RPH3A: variants seen among roughly 807,000 people sequenced by gnomAD.
RPH3A encodes the protein rabphilin-3A.
Under a neutral mutation model 102.2 loss-of-function variants are expected in RPH3A, and 48 were observed. That is an observed-to-expected ratio of 0.47 (90% CI 0.37 to 0.60). RPH3A has a LOEUF of 0.60. Among genes scored for constraint, RPH3A ranks in the 20% least tolerant of loss-of-function variants. The probability of loss-of-function intolerance (pLI) is 0.00; values close to 1 mark genes in which losing one functional copy is unlikely to be tolerated. For synonymous variants in RPH3A, 310 were observed against 324.3 expected, an observed-to-expected ratio of 0.96 and a Z score of 0.47; for missense variants, 781 against 910.1, an observed-to-expected ratio of 0.86 and a Z score of 1.83.
intron 1 of RPH3A, among the ~76,000 whole-genome samples, chr12:112,616,399 G>T (rs1374356552): frequency 6.6e-6 from 1 of 152,036 alleles, no homozygotes; most frequent in Non-Finnish European, 1.5e-5. Flanking sequence ...CTCCTGCCTC[G>T]GCCTCCCAAA....
At chr12:112,696,075 G>C (rs1480691522) in intron 1 of RPH3A, among the ~76,000 whole-genome samples, 1 of 152,120 alleles carries the variant, frequency 6.6e-6, no homozygotes, top group East Asian at 1.9e-4. Context: ...TTATAAGCAA[G>C]AGCATACTAT....
intron 1 of RPH3A, among the ~76,000 whole-genome samples, chr12:112,699,268 C>A (rs1020751180): frequency 3.3e-5 from 5 of 152,180 alleles, no homozygotes; most frequent in African/African-American, 1.2e-4. Flanking sequence ...TATGACCCAG[C>A]AGTCACACAA....
At chr12:112,713,395 T>A (rs2040494077) in intron 1 of RPH3A, among the ~76,000 whole-genome samples, 1 of 152,176 alleles carries the variant, frequency 6.6e-6, no homozygotes, top group African/African-American at 2.4e-5. Flanking sequence ...TAGTTCAATG[T>A]TATTTTCAAA....
intron 1 of RPH3A, among the ~76,000 whole-genome samples, chr12:112,691,287 C>G (rs1005045386): frequency 1.3e-5 from 2 of 152,164 alleles, no homozygotes; most frequent in Non-Finnish European, 2.9e-5. Context: ...GCTGGGATTA[C>G]AGGCGTGAGC....
intron 1 of RPH3A, among the ~76,000 whole-genome samples, chr12:112,746,436 G>C (rs968749864): frequency 6.6e-5 from 10 of 151,990 alleles, no homozygotes; most frequent in African/African-American, 2.4e-4. Flanking sequence ...TACCCACCCT[G>C]CCCTCCATCA....
chr12:112,784,323 C>A (rs1289798950), intron 1 of RPH3A, among the ~76,000 whole-genome samples: 1 of 152,188 alleles, frequency 6.6e-6, no homozygotes, highest in Non-Finnish European at 1.5e-5. Flanking sequence ...GGTTTTCCAG[C>A]CTCTCCCCTC....
chr12:112,862,872 G>T lies in RPH3A; in HGVS notation c.231-2542G>T, dbSNP rs566320193. 2.6e-3 allele frequency among the ~76,000 whole-genome samples: 403 copies of T among 152,332 alleles called. 4 individuals are homozygous for T. The highest frequency in any genetic ancestry group is 9.1e-3 in the African/African-American group (378 of 41,570). On this transcript the variant is annotated intron_variant, in intron 5 of 21. Coordinates refer to ENST00000389385, the MANE Select transcript of RPH3A (RefSeq NM_001143854.2). ...GAGAGTCAGCATTAAGTGCCTGCCA[G>T]GCAGGGCTACCAGGGGCCCTCTGGG...
chr12:112,763,027 G>A (rs916733470), intron 1 of RPH3A, among the ~76,000 whole-genome samples: 1 of 152,212 alleles, frequency 6.6e-6, no homozygotes, highest in Non-Finnish European at 1.5e-5. Flanking sequence ...AAAAACAACA[G>A]GTGCTCCACA....
intron 1 of RPH3A, among the ~76,000 whole-genome samples, chr12:112,579,284 G>A (rs1250898954): frequency 6.6e-6 from 1 of 152,290 alleles, no homozygotes; most frequent in East Asian, 1.9e-4. Context: ...CTTGAGCACC[G>A]ATTCTGAGTC....
intron 2 of RPH3A, among the ~76,000 whole-genome samples, chr12:112,801,237 C>A (rs1247940482): frequency 6.6e-6 from 1 of 152,148 alleles, no homozygotes; most frequent in Non-Finnish European, 1.5e-5. Context: ...AAAAAAGAAC[C>A]AGCCGGACTG....
chr12:112,872,058 A>G (rs1299845195), intron 10 of RPH3A, among the ~76,000 whole-genome samples: 1 of 152,144 alleles, frequency 6.6e-6, no homozygotes, highest in Non-Finnish European at 1.5e-5. Flanking sequence ...GTATATACCT[A>G]TAAGTGAAGT....
rs746625453 is a variant in RPH3A, at chr12:112,890,083, G to A, written c.1620+3G>A. ...GCATGGCCCTTTATGAGGAAGAGGT[G>A]AGCACTGAGCAGGAATTGAAGCCAC... On this transcript the variant is annotated splice_donor_region_variant and intron_variant, in intron 18 of 21. Coordinates refer to ENST00000389385, the MANE Select transcript of RPH3A (RefSeq NM_001143854.2). 8.7e-6 allele frequency: 14 copies of A among 1,613,090 alleles called. No homozygotes were observed. Among genetic ancestry groups the A allele is most frequent in the South Asian group, 1.1e-5 (1 of 91,066 alleles).
At chr12:112,807,979 T>A (rs2041501296) in intron 2 of RPH3A, among the ~76,000 whole-genome samples, 1 of 152,138 alleles carries the variant, frequency 6.6e-6, no homozygotes, top group South Asian at 2.1e-4. Context: ...ACTGTTCTAT[T>A]TACCACTATA....
At chr12:112,776,874 A>C (rs7133808) in intron 1 of RPH3A, among the ~76,000 whole-genome samples, 7,554 of 15,984 alleles carry the variant, frequency 0.47, 1,737 homozygotes, top group African/African-American at 0.52. Flanking sequence ...ACTCCATCTC[A>C]AAAAAAAAAA....
At chr12:112,683,987 A>C (rs1346614788) in intron 1 of RPH3A, among the ~76,000 whole-genome samples, 1 of 152,060 alleles carries the variant, frequency 6.6e-6, no homozygotes, top group Non-Finnish European at 1.5e-5. Flanking sequence ...ATTCTCATCG[A>C]TTTTCTGATG....
chr12:112,846,200 A>G (rs1402418465), intron 4 of RPH3A, among the ~76,000 whole-genome samples: 1 of 152,252 alleles, frequency 6.6e-6, no homozygotes, highest in Non-Finnish European at 1.5e-5. Context: ...CATAAAATTC[A>G]GTGGCATTTA....
intron 1 of RPH3A, among the ~76,000 whole-genome samples, chr12:112,731,382 A>G (rs932213887): frequency 6.6e-6 from 1 of 152,224 alleles, no homozygotes; most frequent in African/African-American, 2.4e-5. Context: ...ACATCCTTCA[A>G]TGCATGCTAA....
chr12:112,741,218 A>G (rs2040706490), intron 1 of RPH3A, among the ~76,000 whole-genome samples: 1 of 152,160 alleles, frequency 6.6e-6, no homozygotes, highest in Admixed American at 6.5e-5. Flanking sequence ...GGAATAGTCA[A>G]CACTGTACAT....
intron 1 of RPH3A, among the ~76,000 whole-genome samples, chr12:112,724,625 G>A (rs1467406441): frequency 2.6e-5 from 4 of 152,324 alleles, no homozygotes; most frequent in African/African-American, 9.6e-5. Flanking sequence ...TCATCACTGT[G>A]TTCTCAGTGC....
Sources: gnomAD v4.1 joint callset for allele counts (sites outside exome capture counted in the v4.1 genomes callset) on GRCh38, gnomAD v4.1.1 for gene constraint, MANE v1.5 for transcripts, NCBI Gene and HGNC (gene_info 2026-07-23, HGNC 2026-07-21) for gene names.